The following MYO16 variants were observed in gnomAD, a reference collection of about 807,000 sequenced individuals.
MYO16 encodes the protein unconventional myosin-XVI.
Under a neutral mutation model 205.3 loss-of-function variants are expected in MYO16, and 94 were observed. The ratio of observed to expected loss-of-function variants is 0.46; its 90% CI spans 0.39 to 0.54. The LOEUF (loss-of-function observed/expected upper bound fraction) is 0.54. Among genes scored for constraint, MYO16 ranks in the 20% least tolerant of loss-of-function variants. MYO16 has a pLI of 0.00. For missense variants in MYO16, 2,315 were observed against 2,387.5 expected (o/e 0.97, Z 0.63); for synonymous variants, 988 against 954.0 (o/e 1.04, Z -0.66).
chr13:108,598,320 GAC>G (rs1007689233), intron 1 of MYO16, among the ~76,000 whole-genome samples: 53 of 76,202 alleles, frequency 7.0e-4, no homozygotes, highest in South Asian at 2.6e-3. Context: ...GAGAGAGAGA[GAC>G]AGACAGACAG....
At chr13:108,659,442 G>A in intron 1 of MYO16, 1 of 371,014 alleles carries the variant, frequency 2.7e-6, no homozygotes, top group South Asian at 2.0e-5. Context: ...CGCTGAGCAG[G>A]GGCTTCTGGC....
At chr13:108,936,999 A>G (rs1326181679) in intron 16 of MYO16, among the ~76,000 whole-genome samples, 3 of 152,112 alleles carry the variant, frequency 2.0e-5, no homozygotes, top group Non-Finnish European at 4.4e-5. Context: ...TTTTGTCTGC[A>G]TGTTTAGAAC....
chr13:109,186,243 G>C (rs1261220266), intron 34 of MYO16, among the ~76,000 whole-genome samples: 2 of 152,140 alleles, frequency 1.3e-5, no homozygotes, highest in African/African-American at 4.8e-5. Context: ...CACATACTTA[G>C]TGCAAAATTA....
At chr13:108,549,512 A>C in the MYO16 span, among the ~76,000 whole-genome samples, 1 of 152,136 alleles carries the variant, frequency 6.6e-6, no homozygotes. Context: ...GTTTGTGATA[A>C]TTTGTTACAG....
At chr13:108,508,912 G>A in the MYO16 span, among the ~76,000 whole-genome samples, 45 of 152,276 alleles carry the variant, frequency 3.0e-4, no homozygotes, top group African/African-American at 1.1e-3. Context: ...CCATCCCATA[G>A]ACTGGAGTTT....
intron 4 of MYO16, among the ~76,000 whole-genome samples, chr13:108,736,213 C>G (rs195253): frequency 6.6e-6 from 1 of 152,114 alleles, no homozygotes; most frequent in Non-Finnish European, 1.5e-5. Flanking sequence ...ACATGAAGTC[C>G]TTGCCCATGC....
intron 15 of MYO16, among the ~76,000 whole-genome samples, chr13:108,906,774 G>C (rs1023590848): frequency 1.3e-5 from 2 of 152,028 alleles, no homozygotes; most frequent in African/African-American, 4.8e-5. Flanking sequence ...AGGGGCCTTG[G>C]GACACTTGCG....
chr13:108,646,673 A>G (rs968970838), intron 1 of MYO16, among the ~76,000 whole-genome samples: 1 of 152,168 alleles, frequency 6.6e-6, no homozygotes, highest in Admixed American at 6.5e-5. Context: ...CCTCTCCTTT[A>G]GATATAGGTA....
At chr13:108,753,320 A>G (rs1885304490) in intron 4 of MYO16, among the ~76,000 whole-genome samples, 1 of 146,906 alleles carries the variant, frequency 6.8e-6, no homozygotes, top group African/African-American at 2.6e-5. Flanking sequence ...CAGTGAGTCA[A>G]GATTGTTCCA....
intron 17 of MYO16, among the ~76,000 whole-genome samples, chr13:108,960,098 C>A (rs2139363408): frequency 6.6e-6 from 1 of 151,742 alleles, no homozygotes; most frequent in African/African-American, 2.4e-5. Flanking sequence ...CATAGTGAGA[C>A]CTCCATCTCT....
chr13:109,038,609 A>G (rs1329664894), intron 23 of MYO16, among the ~76,000 whole-genome samples: 2 of 152,036 alleles, frequency 1.3e-5, no homozygotes, highest in African/African-American at 2.4e-5. Flanking sequence ...AACTCAGACT[A>G]TATATATTAT....
intron 5 of MYO16, among the ~76,000 whole-genome samples, chr13:108,789,128 A>T (rs1234160724): frequency 2.6e-5 from 4 of 152,178 alleles, no homozygotes; most frequent in Non-Finnish European, 5.9e-5. Flanking sequence ...AGTGTCAGAT[A>T]GTTTGAAACA....
At chr13:109,087,515 G>A (rs538489572) in intron 27 of MYO16, among the ~76,000 whole-genome samples, 163 of 152,134 alleles carry the variant, frequency 1.1e-3, no homozygotes, top group African/African-American at 3.8e-3. Flanking sequence ...GCGTAGTGGC[G>A]GGTGCCTGTA....
chr13:108,531,568 G>A, the MYO16 span, among the ~76,000 whole-genome samples: 6 of 152,036 alleles, frequency 3.9e-5, no homozygotes, highest in South Asian at 4.2e-4. Context: ...GGACGTACTC[G>A]TTACTGAGAC....
chr13:109,126,215 T>C (rs936730503), intron 30 of MYO16, among the ~76,000 whole-genome samples: 2 of 152,160 alleles, frequency 1.3e-5, no homozygotes, highest in African/African-American at 2.4e-5. Context: ...ATCTCAGTGA[T>C]TAAATACTGA....
chr13:108,589,652 A>G, the MYO16 span, among the ~76,000 whole-genome samples: 3 of 152,064 alleles, frequency 2.0e-5, no homozygotes, highest in Admixed American at 6.6e-5. Context: ...GGGTATGACC[A>G]TATATATATT....
chr13:108,743,577 T>C (rs1884973774), intron 4 of MYO16, among the ~76,000 whole-genome samples: 1 of 152,230 alleles, frequency 6.6e-6, no homozygotes, highest in Admixed American at 6.5e-5. Flanking sequence ...ACTCTTTTAC[T>C]TCAGTAACAA....
chr13:108,893,993 A>G (rs1594375997), intron 14 of MYO16, among the ~76,000 whole-genome samples: 1 of 152,312 alleles, frequency 6.6e-6, no homozygotes, highest in East Asian at 1.9e-4. Context: ...TTTTTTAAAA[A>G]AAGGAGGTTT....
Position 109,140,996 on chromosome 13 carries a change from C to T in MYO16, c.4784C>T (p.Pro1595Leu), listed in dbSNP as rs1313709276. 3.8e-6 allele frequency: 5 copies of T among 1,312,316 alleles called. No homozygotes were observed. In the East Asian group the frequency reaches 1.3e-4, roughly 33 times the overall value. 81.3% of individuals were successfully genotyped at this position (1,312,316 alleles called of 1,614,324 possible). The change falls in exon 32 of 35, where the codon CCG becomes CTG. Residue 1595 changes from proline (P) to leucine (L), a missense_variant. Pro to Leu is a moderately conservative substitution (Grantham distance 98, BLOSUM62 -3). This residue lies in a region of MYO16 where 1,097 missense variants were observed against 1,092.0 expected (regional missense o/e 1.00). Coordinates refer to ENST00000457511, the MANE Select transcript of MYO16 (RefSeq NM_001198950.3). This position sits in a 1 kb window ranked among gnomAD's most constrained non-coding sequence, Gnocchi z 8.0. ...GSGRASPPST[P>L]PPPPPPPGPP... ...GGCCGAGCCTCCCCGCCGTCCACGC[C>T]GCCCCCGCCCCCGCCCCCGCCCGGG...
Sources: gnomAD v4.1 joint callset for allele counts (sites outside exome capture counted in the v4.1 genomes callset) on GRCh38, gnomAD v4.1.1 for gene constraint, gnomAD v4.1.1 regional missense constraint, Gnocchi (gnomAD v3.1) non-coding constraint, MANE v1.5 for transcripts, NCBI Gene and HGNC (gene_info 2026-07-23, HGNC 2026-07-21) for gene names.